The following PCNX1 variants were observed in gnomAD, a reference collection of about 807,000 sequenced individuals.
The protein encoded by PCNX1 is pecanex 1.
A neutral mutation model predicts 242.2 loss-of-function variants in PCNX1; 78 were observed. The ratio of observed to expected loss-of-function variants is 0.32; its 90% confidence interval spans 0.27 to 0.39. PCNX1 has a LOEUF of 0.39. PCNX1 is among the 10% of genes least tolerant of loss of function. The pLI is 1.00. For missense variants in PCNX1, 2,581 were observed against 2,856.5 expected (o/e 0.90, Z 2.20); for synonymous variants, 1,024 against 1,032.9 (o/e 0.99, Z 0.17).
At chr14:70,965,948 A>G (rs1215113621) in intron 3 of PCNX1, among the ~76,000 whole-genome samples, 2 of 152,232 alleles carry the variant, frequency 1.3e-5, no homozygotes, top group South Asian at 2.1e-4. Flanking sequence ...GTGTAAAAAG[A>G]TACTGTTTTT....
intron 19 of PCNX1, among the ~76,000 whole-genome samples, chr14:71,036,808 A>T (rs1331223711): frequency 2.0e-5 from 3 of 152,150 alleles, no homozygotes. Flanking sequence ...ATCAACAAAT[A>T]CTTATTTTCT....
chr14:70,938,868 G>A (rs2057118026), intron 1 of PCNX1, among the ~76,000 whole-genome samples: 1 of 152,172 alleles, frequency 6.6e-6, no homozygotes, highest in Admixed American at 6.5e-5. Flanking sequence ...GAGGGTGTAT[G>A]TGTCCAGGAA....
chr14:70,992,179 TAA>T (rs2059185136), intron 7 of PCNX1, among the ~76,000 whole-genome samples: 1 of 152,136 alleles, frequency 6.6e-6, no homozygotes, highest in African/African-American at 2.4e-5. Context: ...ATACAAATAT[TAA>T]GAGTTCTGCA....
intron 15 of PCNX1, chr14:71,027,139 A>G (rs1390966312): frequency 3.1e-6 from 1 of 318,244 alleles, no homozygotes; most frequent in African/African-American, 2.2e-5. Flanking sequence ...TCTGCAACTA[A>G]AAGTTCTAGT....
Position 71,098,553 on chromosome 14 carries a change from T to TGTGAGAGAGA in PCNX1, c.5590-3436_5590-3435insTGAGAGAGAG, listed in dbSNP as rs60367565. Among the ~76,000 whole-genome samples the TGTGAGAGAGA allele has an allele frequency of 1.6e-3, 199 of 125,718 alleles. 2 individuals are homozygous for TGTGAGAGAGA. Among genetic ancestry groups the TGTGAGAGAGA allele is most frequent in the East Asian group, 0.014 (60 of 4,152 alleles). 82.5% of individuals were successfully genotyped at this position (125,718 alleles called of 152,430 possible). A position where few individuals can be genotyped will look rare whatever the true frequency, so the allele number is the denominator to read the frequency against. On this transcript the variant is annotated intron_variant, in intron 30 of 35. Transcript: ENST00000304743. Reference sequence around the variant, plus strand: ...GTGTGTGTGTGTGTGTGTGTGTGTGTGAGAGAGAGAGAGAGAACATTGTAG... The same window carrying TGTGAGAGAGA: ...GTGTGTGTGTGTGTGTGTGTGTGTGTGTGAGAGAGAGAGAGAGAGAGAGAGAACATTGTAG...
intron 5 of PCNX1, among the ~76,000 whole-genome samples, chr14:70,971,069 G>A (rs547590402): frequency 6.9e-6 from 1 of 145,046 alleles, no homozygotes; most frequent in African/African-American, 2.6e-5. Flanking sequence ...TTCAAATCTA[G>A]TTTTGAATTA....
chr14:70,985,477 G>A (rs149076420), intron 6 of PCNX1, among the ~76,000 whole-genome samples: 352 of 152,322 alleles, frequency 2.3e-3, no homozygotes, highest in Non-Finnish European at 4.1e-3. Flanking sequence ...GCCTCCCAAA[G>A]TGCTGGGATT....
chr14:71,014,043 A>G (rs1216239126), intron 11 of PCNX1, among the ~76,000 whole-genome samples: 1 of 152,220 alleles, frequency 6.6e-6, no homozygotes, highest in Non-Finnish European at 1.5e-5. Context: ...CCAGGGAAAG[A>G]ACCATGTGAA....
Position 71,058,407 on chromosome 14 carries a change from A to G in PCNX1, c.4852+683A>G, listed in dbSNP as rs377352993. On this transcript the variant is annotated intron_variant, in intron 26 of 35. Coordinates refer to ENST00000304743, the MANE Select transcript of PCNX1 (RefSeq NM_014982.3). Reference sequence around the variant, plus strand: ...CATTCAGAAACATCAACTTTATGTTATCAATTCCTGTAAAACTGAATAACA... The same window carrying G: ...CATTCAGAAACATCAACTTTATGTTGTCAATTCCTGTAAAACTGAATAACA... Among the ~76,000 whole-genome samples the G allele has an allele frequency of 3.6e-3, 550 of 152,362 alleles. 1 individual carries two copies. Among genetic ancestry groups the G allele is most frequent in the African/African-American group, 0.013 (533 of 41,596 alleles).
rs1287680195 is a variant in PCNX1, at chr14:71,057,563, T to A, written c.4691T>A (p.Leu1564Gln). 6.2e-7 allele frequency: 1 copy of A among 1,613,678 alleles called. No homozygotes were observed. Among genetic ancestry groups the A allele is most frequent in the Non-Finnish European group, 8.5e-7 (1 of 1,179,584 alleles). The change falls in exon 26 of 36, where the codon CTA (leucine) becomes CAA (glutamine). Residue 1564 changes from leucine (L) to glutamine (Q), a missense_variant. Transcript: ENST00000304743. The stretch of plus-strand genomic sequence containing the variant: ...TTTTATGAGCATTTAACTAGATCCC[T>A]ACAGCACAGCCTCTGTGGTGATTTG... ...SIFYEHLTRSLQHSLCGDLLL... is the reference protein window; with the variant it reads ...SIFYEHLTRSQQHSLCGDLLL...
Position 71,028,212 on chromosome 14 carries a change from TTTG to T in PCNX1, c.3467-479_3467-477del, listed in dbSNP as rs948954715. On this transcript the variant is annotated intron_variant, in intron 15 of 35. Transcript: ENST00000304743. The stretch of plus-strand genomic sequence containing the variant: ...CTGTTATTAGATCTAAAGTATCTAT[TTTG>T]TTGTTGTTATTGTTAGCAATTAGAT... 2.8e-4 allele frequency among the ~76,000 whole-genome samples: 42 copies of T among 152,006 alleles called. 1 individual carries two copies. The highest frequency in any genetic ancestry group is 5.1e-4 in the African/African-American group (21 of 41,530).
chr14:71,107,257 T>C (rs991856642), intron 33 of PCNX1, among the ~76,000 whole-genome samples: 6 of 151,658 alleles, frequency 4.0e-5, no homozygotes, highest in African/African-American at 1.2e-4. Context: ...TTTAAATATA[T>C]ATATTTTCAA....
intron 1 of PCNX1, among the ~76,000 whole-genome samples, chr14:70,934,237 G>T (rs1236768585): frequency 1.3e-5 from 2 of 152,104 alleles, no homozygotes; most frequent in African/African-American, 4.8e-5. Context: ...ATTACTCCTG[G>T]ATGAAATTGC....
At chr14:70,968,412 T>C (rs2058445087) in intron 4 of PCNX1, among the ~76,000 whole-genome samples, 169 bp downstream of exon 4, 1 of 152,244 alleles carries the variant, frequency 6.6e-6, no homozygotes, top group African/African-American at 2.4e-5. Context: ...AATTGTGTTC[T>C]CTTTCATCAT....
intron 28 of PCNX1, among the ~76,000 whole-genome samples, chr14:71,086,289 T>A (rs1251692448): frequency 2.0e-5 from 3 of 152,214 alleles, no homozygotes; most frequent in African/African-American, 7.2e-5. Context: ...CTAACATCAA[T>A]GTCAGTTGTG....
intron 7 of PCNX1, among the ~76,000 whole-genome samples, chr14:70,988,904 TA>T (rs2140252682): frequency 6.6e-6 from 1 of 152,280 alleles, no homozygotes; most frequent in South Asian, 2.1e-4. Flanking sequence ...ACTGTTTAAG[TA>T]AAATGATCAG....
chr14:71,079,415 G>A (rs552790800), intron 28 of PCNX1, among the ~76,000 whole-genome samples: 20 of 152,226 alleles, frequency 1.3e-4, no homozygotes, highest in African/African-American at 4.6e-4. Context: ...TTGGGGAATC[G>A]CCACTCTATC....
At chr14:70,910,220 T>TCCTCCACCTCCTCCTCCTCCTCCA (rs2055831398) in intron 1 of PCNX1, among the ~76,000 whole-genome samples, 1 of 74,164 alleles carries the variant, frequency 1.3e-5, no homozygotes, top group Non-Finnish European at 2.8e-5. Flanking sequence ...CTCCTCCTCC[T>TCCTCCACCTCCTCCTCCTCCTCCA]CCTCCTCCTC....
intron 1 of PCNX1, among the ~76,000 whole-genome samples, chr14:70,930,048 T>A (rs1168440101): frequency 6.6e-6 from 1 of 152,172 alleles, no homozygotes; most frequent in African/African-American, 2.4e-5. Context: ...GGTTTTTTTC[T>A]TCATCCCTTA....
Sources: allele counts gnomAD v4.1 joint callset (sites outside exome capture counted in the v4.1 genomes callset), GRCh38; gene constraint gnomAD v4.1.1; transcripts MANE v1.5; gene names NCBI Gene and HGNC (gene_info 2026-07-23, HGNC 2026-07-21).